Variants in NFKB1 observed in about 807,000 individuals in gnomAD.
NFKB1 encodes the protein nuclear factor kappa B subunit 1.
In NFKB1, 9 loss-of-function variants were observed where a neutral mutation model predicts 105.1. That is an observed-to-expected ratio of 0.09 (90% confidence interval 0.05 to 0.15). NFKB1 has a LOEUF of 0.15. NFKB1 is among the 10% of genes least tolerant of loss of function. NFKB1 has a pLI of 1.00. For synonymous variants in NFKB1, 440 were observed against 442.2 expected (o/e 1.00, Z 0.06); for missense variants, 830 against 1,203.7 (o/e 0.69, Z 4.59).
intron 1 of NFKB1, among the ~76,000 whole-genome samples, chr4:102,507,712 A>G (rs1470431991): frequency 6.6e-6 from 1 of 152,216 alleles, no homozygotes; most frequent in Non-Finnish European, 1.5e-5. Flanking sequence ...ATACCTCTAT[A>G]ATGTCCCATT....
chr4:102,613,659 G>T, intron 23 of NFKB1, 78 bp downstream of exon 23: 1 of 1,484,718 alleles, frequency 6.7e-7, no homozygotes, highest in Non-Finnish European at 9.0e-7. Context: ...TTTGGATATG[G>T]TGTGGCAGTT....
chr4:102,549,443 A>G (rs141523326), intron 5 of NFKB1, among the ~76,000 whole-genome samples: 113 of 148,988 alleles, frequency 7.6e-4, no homozygotes, highest in Non-Finnish European at 1.4e-3. Flanking sequence ...AGTTTTATAT[A>G]CATATAATAT....
At chr4:102,577,723 C>A in intron 7 of NFKB1, 1 of 620,564 alleles carries the variant, frequency 1.6e-6, no homozygotes, top group Non-Finnish European at 2.0e-6. Context: ...GATACCCAGA[C>A]TCAAAACCTT....
At chr4:102,537,411 T>C (rs572262914) in intron 4 of NFKB1, among the ~76,000 whole-genome samples, 2 of 152,344 alleles carry the variant, frequency 1.3e-5, no homozygotes, top group African/African-American at 4.8e-5. Flanking sequence ...TAGTCCCTGC[T>C]GAACCAGCTG....
chr4:102,596,477 ATATGTCAGATCATTT>A lies in NFKB1; in HGVS notation c.1495+149_1495+163del, dbSNP rs368089362. 1.3e-3 allele frequency: 736 copies of A among 572,498 alleles called. 6 individuals carry two copies. In the African/African-American group the frequency reaches 0.013, roughly 10 times the overall value. The allele number at this position is 572,498 out of a possible 1,614,324, so 35.5% of individuals were successfully genotyped here. A position where few individuals can be genotyped will look rare whatever the true frequency, so the allele number is the denominator to read the frequency against. On this transcript the variant is annotated intron_variant, in intron 14 of 23. Transcript: ENST00000226574. Reference sequence around the variant, plus strand: ...AAGTTCTGTATGCCTTTGGAAAAGCATATGTCAGATCATTTTATTCACACTGGGATTTCCATTTTT... The same window carrying A: ...AAGTTCTGTATGCCTTTGGAAAAGCATATTCACACTGGGATTTCCATTTTT...
In NFKB1 at chr4:102,515,104, ATTATTTTTTT is replaced by A. The variant is rs1363314415; in HGVS notation, c.-7-10405_-7-10396del. On this transcript the variant is annotated intron_variant, in intron 1 of 23. Transcript: ENST00000226574. ...AGTTCCATGTAATATTATTATTATTATTATTTTTTTTTTTTTTTTTTTTTGAGACGGAGTC... is the reference window on the plus strand; with the variant it reads ...AGTTCCATGTAATATTATTATTATTATTTTTTTTTTTTTTGAGACGGAGTC... Among the ~76,000 whole-genome samples the A allele has an allele frequency of 2.7e-3, 311 of 113,482 alleles. 2 individuals carry two copies. Among genetic ancestry groups the A allele is most frequent in the Middle Eastern group, 4.9e-3 (1 of 206 alleles). The allele number at this position is 113,482 out of a possible 152,430, so 74.4% of individuals were successfully genotyped here. A position where few individuals can be genotyped will look rare whatever the true frequency, so the allele number is the denominator to read the frequency against.
intron 5 of NFKB1, among the ~76,000 whole-genome samples, chr4:102,556,238 A>C (rs944139653): frequency 6.6e-6 from 1 of 152,164 alleles, no homozygotes; most frequent in Admixed American, 6.6e-5. Flanking sequence ...TTGAGCTGTA[A>C]CGGTATTATG....
At chr4:102,559,138 T>C (rs1209070686) in intron 5 of NFKB1, among the ~76,000 whole-genome samples, 1 of 152,132 alleles carries the variant, frequency 6.6e-6, no homozygotes, top group Non-Finnish European at 1.5e-5. Context: ...GAGAAACTGA[T>C]GTGGCTGCAT....
At chr4:102,502,429 A>G (rs2149090151) in intron 1 of NFKB1, among the ~76,000 whole-genome samples, 1 of 118,724 alleles carries the variant, frequency 8.4e-6, no homozygotes, top group Middle Eastern at 4.0e-3. Context: ...CACACACACG[A>G]TATAGTCACC....
chr4:102,518,440 C>CT lies in NFKB1; in HGVS notation c.-7-7071dup, dbSNP rs554510170. On this transcript the variant is annotated intron_variant, in intron 1 of 23. Transcript: ENST00000226574. ...TACAAAGTGGGCTTTGACTAGAACTCTAACAAAGTGTGATCACTGAATTAC... is the reference window on the plus strand; with the variant it reads ...TACAAAGTGGGCTTTGACTAGAACTCTTAACAAAGTGTGATCACTGAATTAC... 5.4e-3 allele frequency among the ~76,000 whole-genome samples: 815 copies of CT among 152,256 alleles called. 5 individuals carry two copies. Among genetic ancestry groups the CT allele is most frequent in the Middle Eastern group, 0.017 (5 of 294 alleles).
intron 13 of NFKB1, 103 bp downstream of exon 13, chr4:102,595,084 C>A: frequency 3.0e-6 from 2 of 668,060 alleles, no homozygotes; most frequent in South Asian, 2.2e-5. Flanking sequence ...ATCATCTTGA[C>A]AAATAATTGA....
At chr4:102,598,855 A>G (rs569878868) in intron 15 of NFKB1, among the ~76,000 whole-genome samples, 1 of 152,326 alleles carries the variant, frequency 6.6e-6, no homozygotes, top group African/African-American at 2.4e-5. Context: ...GGCGAGGCAC[A>G]TGCAAGTTCC....
intron 6 of NFKB1, among the ~76,000 whole-genome samples, chr4:102,574,125 C>CTT (rs56977004): frequency 0.055 from 5,117 of 93,180 alleles, 289 homozygotes; most frequent in African/African-American, 0.1. Context: ...TCTTGGATTC[C>CTT]TTTTTTTTTT....
Position 102,582,862 on chromosome 4 carries a change from G to A in NFKB1, c.836-4G>A, listed in dbSNP as rs1560694350. On this transcript the variant is annotated splice_region_variant and splice_polypyrimidine_tract_variant and intron_variant, in intron 9 of 23. Coordinates refer to ENST00000226574, the MANE Select transcript of NFKB1 (RefSeq NM_003998.4). ...ATTACACACTTCAATGTGATTGTTT[G>A]CAGATGACATCCAGATTCGATTTTA... 1 of 1,600,850 alleles carries A rather than the reference G, an allele frequency of 6.2e-7. No individual in the cohort carries two copies.
chr4:102,594,174 C>A (rs950132035), intron 12 of NFKB1, among the ~76,000 whole-genome samples: 3 of 152,166 alleles, frequency 2.0e-5, no homozygotes, highest in Non-Finnish European at 4.4e-5. Context: ...GAGATGTTAA[C>A]ATAAACATTT....
At chr4:102,574,065 C>T in intron 6 of NFKB1, among the ~76,000 whole-genome samples, 1 of 142,302 alleles carries the variant, frequency 7.0e-6, no homozygotes, top group African/African-American at 2.6e-5. Context: ...CTTTCCATGC[C>T]TGTTAGTTTT....
intron 6 of NFKB1, among the ~76,000 whole-genome samples, chr4:102,575,155 T>A (rs192635140): frequency 1.3e-5 from 2 of 152,344 alleles, no homozygotes; most frequent in Admixed American, 6.5e-5. Context: ...CAGATACTTA[T>A]TAAACACTCA....
intron 5 of NFKB1, chr4:102,557,065 A>G (rs1228465704): frequency 6.6e-6 from 1 of 152,234 alleles, no homozygotes; most frequent in Non-Finnish European, 1.5e-5. Context: ...TCTCTGAATT[A>G]GGAGAGGATA....
At chr4:102,521,912 G>A (rs2149109373) in intron 1 of NFKB1, among the ~76,000 whole-genome samples, 1 of 152,284 alleles carries the variant, frequency 6.6e-6, no homozygotes, top group South Asian at 2.1e-4. Flanking sequence ...TTTATTTGTT[G>A]CTAGCTAGCT....
Sources: gnomAD v4.1 joint callset for allele counts (sites outside exome capture counted in the v4.1 genomes callset) on GRCh38, gnomAD v4.1.1 for gene constraint, MANE v1.5 for transcripts, NCBI Gene and HGNC (gene_info 2026-07-23, HGNC 2026-07-21) for gene names.